The following MGLL variants were observed in gnomAD, a reference collection of about 807,000 sequenced individuals.
The protein encoded by MGLL is monoglyceride lipase, also known as lysophospholipase homolog.
MGLL carries 7 observed loss-of-function variants against 29.1 expected under a neutral mutation model. The observed-to-expected ratio is 0.24, with a 90% CI of 0.14 to 0.45. The LOEUF is 0.45. Ranked by LOEUF, MGLL falls within the 20% of genes least tolerant of loss-of-function variation. The pLI is 0.99. For missense variants in MGLL, 356 were observed against 413.6 expected (o/e 0.86, Z 1.21); for synonymous variants, 148 against 168.3 (o/e 0.88, Z 0.93).
intron 5 of MGLL, among the ~76,000 whole-genome samples, chr3:127,719,008 G>A (rs1445086001): frequency 6.6e-6 from 1 of 152,202 alleles, no homozygotes; most frequent in Non-Finnish European, 1.5e-5. Flanking sequence ...AGATCTCAGG[G>A]AGGGGAAGCT....
intron 3 of MGLL, chr3:127,735,954 G>A: frequency 1.4e-6 from 2 of 1,470,264 alleles, no homozygotes. Flanking sequence ...CTCTTAGAGT[G>A]CAAGCGTTAA....
intron 2 of MGLL, among the ~76,000 whole-genome samples, chr3:127,793,658 T>C (rs977462763): frequency 7.2e-5 from 11 of 152,090 alleles, no homozygotes; most frequent in Non-Finnish European, 1.5e-4. Context: ...GCCTCCCGGG[T>C]TGAAGTGATT....
chr3:127,717,389 T>TG (rs2075835958), intron 5 of MGLL, among the ~76,000 whole-genome samples: 1 of 152,214 alleles, frequency 6.6e-6, no homozygotes, highest in Non-Finnish European at 1.5e-5. Context: ...TCTGAGCTGG[T>TG]GCTCAAGCTG....
chr3:127,735,879 T>C (rs2076233567), intron 3 of MGLL: 1 of 1,574,270 alleles, frequency 6.4e-7, no homozygotes, highest in Non-Finnish European at 8.6e-7. Context: ...TACAAGGATT[T>C]TCTCCTGTTC....
chr3:127,780,273 T>C (rs1469742432), intron 3 of MGLL, among the ~76,000 whole-genome samples: 1 of 152,212 alleles, frequency 6.6e-6, no homozygotes, highest in African/African-American at 2.4e-5. Context: ...GGTGCTAAGA[T>C]ACAAAATAGA....
chr3:127,802,581 T>C (rs2077496675), intron 2 of MGLL, among the ~76,000 whole-genome samples: 1 of 152,246 alleles, frequency 6.6e-6, no homozygotes, highest in African/African-American at 2.4e-5. Context: ...CTCAAAATTA[T>C]TTCATATGCT....
chr3:127,788,271 A>C (rs895126020), intron 2 of MGLL, among the ~76,000 whole-genome samples: 7 of 152,096 alleles, frequency 4.6e-5, no homozygotes, highest in African/African-American at 1.4e-4. Flanking sequence ...GTGTTATTAC[A>C]TATCAACTCA....
chr3:127,702,301 G>T (rs1239849941), intron 6 of MGLL, among the ~76,000 whole-genome samples: 2 of 152,206 alleles, frequency 1.3e-5, no homozygotes, highest in Non-Finnish European at 2.9e-5. Context: ...GTTTGTTGGT[G>T]TGGTGAGCTG....
At chr3:127,759,058 C>T (rs895993813) in intron 3 of MGLL, among the ~76,000 whole-genome samples, 1 of 151,842 alleles carries the variant, frequency 6.6e-6, no homozygotes, top group Non-Finnish European at 1.5e-5. Context: ...GAGTAGCTAG[C>T]TGGGATTACA....
At position 127,743,425 on chromosome 3, in the gene MGLL, A is replaced by G. The variant is rs991048492; in HGVS notation, c.263-20859T>C. On this transcript the variant is annotated intron_variant, in intron 3 of 7. Transcript: ENST00000265052. The stretch of plus-strand genomic sequence containing the variant: ...CTCCTGCGACATCCAATAGCAGGGC[A>G]TTATATACCAAAGTATAAGGAAATA... Among the ~76,000 whole-genome samples the G allele has an allele frequency of 2.0e-5, 3 of 152,192 alleles. No homozygotes were observed. The South Asian group carries it at 6.2e-4, about 32-fold the overall frequency.
intron 3 of MGLL, among the ~76,000 whole-genome samples, chr3:127,742,313 G>A (rs555881009): frequency 7.0e-4 from 106 of 152,204 alleles, no homozygotes; most frequent in Non-Finnish European, 1.3e-3. Flanking sequence ...AGGCAGGCCA[G>A]GCGCAGTGGC....
In MGLL at chr3:127,690,159, G is replaced by A. The variant is rs1028446339; in HGVS notation, c.*2039C>T. On this transcript the variant is annotated 3_prime_UTR_variant, in exon 8 of 8. Transcript: ENST00000265052. ...TGGGAGAATTACAGATCTGAGCCCA[G>A]GGCATCTCTGGGCTTTTGGAAAGGG... 6.6e-6 allele frequency: 1 copy of A among 152,190 alleles called. No individual in the cohort carries two copies. Among genetic ancestry groups the A allele is most frequent in the Non-Finnish European group, 1.5e-5 (1 of 68,038 alleles). The allele number at this position is 152,190 out of a possible 1,614,324, so 9.4% of individuals were successfully genotyped here.
At chr3:127,714,173 G>A (rs2075771993) in intron 5 of MGLL, 1 of 152,046 alleles carries the variant, frequency 6.6e-6, no homozygotes, top group Admixed American at 6.5e-5. Context: ...GGTCCCTGGA[G>A]GGAAGGAAGT....
intron 6 of MGLL, among the ~76,000 whole-genome samples, chr3:127,704,585 T>C (rs1014062424): frequency 6.6e-5 from 10 of 151,992 alleles, no homozygotes; most frequent in African/African-American, 2.2e-4. Context: ...GCAAAGGATA[T>C]GAATAGACAC....
chr3:127,693,585 C>T (rs765850815), intron 7 of MGLL, among the ~76,000 whole-genome samples: 1 of 152,198 alleles, frequency 6.6e-6, no homozygotes, highest in African/African-American at 2.4e-5. Context: ...ACTGGCTCTT[C>T]TCACCAACAG....
intron 2 of MGLL, among the ~76,000 whole-genome samples, chr3:127,819,008 C>T (rs1024374805): frequency 1.3e-5 from 2 of 152,260 alleles, no homozygotes; most frequent in African/African-American, 4.8e-5. Context: ...AGTTCTGATT[C>T]CTGATGATGA....
At chr3:127,693,288 C>A (rs1464129218) in intron 7 of MGLL, among the ~76,000 whole-genome samples, 1 of 152,230 alleles carries the variant, frequency 6.6e-6, no homozygotes, top group African/African-American at 2.4e-5. Flanking sequence ...TTGGTTGTCA[C>A]TGTCTCCTAC....
At chr3:127,711,049 A>C in intron 5 of MGLL, 1 of 351,364 alleles carries the variant, frequency 2.8e-6, no homozygotes, top group South Asian at 2.3e-5. Context: ...CGGCAGGTGC[A>C]GAATCACACA....
chr3:127,745,176 G>C (rs2076419046), intron 3 of MGLL, among the ~76,000 whole-genome samples: 1 of 152,222 alleles, frequency 6.6e-6, no homozygotes, highest in South Asian at 2.1e-4. Flanking sequence ...TATTTACTGA[G>C]TGGATTGCTG....
Sources: allele counts gnomAD v4.1 joint callset (sites outside exome capture counted in the v4.1 genomes callset), GRCh38; gene constraint gnomAD v4.1.1; transcripts MANE v1.5; gene names NCBI Gene and HGNC (gene_info 2026-07-23, HGNC 2026-07-21).